TESK2: variants seen among roughly 807,000 people sequenced by gnomAD.
The protein encoded by TESK2 is testis associated actin remodelling kinase 2.
In TESK2, 39 loss-of-function variants were observed where a neutral mutation model predicts 57.1. That is an observed-to-expected ratio of 0.68 (90% confidence interval 0.53 to 0.89). The LOEUF (loss-of-function observed/expected upper bound fraction) is 0.89, where lower values mean the gene tolerates loss of function less well. Ranked by LOEUF, TESK2 falls within the 40% of genes least tolerant of loss-of-function variation. TESK2 has a pLI of 0.00. For missense variants in TESK2, 646 were observed against 732.1 expected (o/e 0.88, Z 1.36); for synonymous variants, 249 against 267.9 (o/e 0.93, Z 0.69).
chr1:45,473,422 T>A (rs537542676), intron 1 of TESK2, among the ~76,000 whole-genome samples: 2 of 152,200 alleles, frequency 1.3e-5, no homozygotes, highest in East Asian at 3.9e-4. Flanking sequence ...CCACAATTAC[T>A]TTTGCACCAA....
chr1:45,476,960 C>T (rs1042423926), intron 1 of TESK2, among the ~76,000 whole-genome samples: 1 of 150,990 alleles, frequency 6.6e-6, no homozygotes, highest in Non-Finnish European at 1.5e-5. Context: ...AGCCACCGCA[C>T]CTGGCCGATT....
intron 4 of TESK2, among the ~76,000 whole-genome samples, chr1:45,383,562 C>T (rs1648745705): frequency 1.3e-5 from 2 of 152,152 alleles, no homozygotes; most frequent in African/African-American, 4.8e-5. Flanking sequence ...GAGAATATTG[C>T]ATTATGATCA....
chr1:45,453,073 A>G (rs976484145), intron 2 of TESK2, among the ~76,000 whole-genome samples: 3 of 151,482 alleles, frequency 2.0e-5, no homozygotes, highest in Non-Finnish European at 4.4e-5. Context: ...GAGGCTGGAC[A>G]TGGTGGTGCA....
chr1:45,370,338 A>C (rs1309713004), intron 4 of TESK2, among the ~76,000 whole-genome samples: 1 of 152,210 alleles, frequency 6.6e-6, no homozygotes, highest in Non-Finnish European at 1.5e-5. Flanking sequence ...ATCAATGAGG[A>C]AATCACTGAA....
At chr1:45,486,782 T>TACACACACACACACAC (rs71052887) in intron 1 of TESK2, among the ~76,000 whole-genome samples, 13,125 of 115,616 alleles carry the variant, frequency 0.11, 1,063 homozygotes, top group Admixed American at 0.17. Flanking sequence ...CCTCCCAGCA[T>TACACACACACACACAC]ACACACACAC....
chr1:45,404,493 T>C (rs1570695865), intron 3 of TESK2, among the ~76,000 whole-genome samples: 1 of 152,118 alleles, frequency 6.6e-6, no homozygotes, highest in African/African-American at 2.4e-5. Context: ...ACAGAGCTTA[T>C]CTCATTTAAT....
Position 45,434,495 on chromosome 1 carries a change from T to C in TESK2, c.223-12649A>G, listed in dbSNP as rs74427660. ...TTTGTAGAGATGGGGTCTTTTTGTC[T>C]TTTTGATGGTAGCCATTCTAAATGA... On this transcript the variant is annotated intron_variant, in intron 2 of 10. Transcript: ENST00000372086. Among the ~76,000 whole-genome samples, 83 of 152,026 alleles carry C rather than the reference T, an allele frequency of 5.5e-4. No individual in the cohort carries two copies. In the East Asian group the frequency reaches 0.013, roughly 23 times the overall value.
intron 3 of TESK2, among the ~76,000 whole-genome samples, chr1:45,403,031 C>T (rs1302667855): frequency 4.0e-5 from 6 of 151,578 alleles, no homozygotes; most frequent in African/African-American, 9.7e-5. Flanking sequence ...CACCTGTAAT[C>T]CCAGCACTTT....
chr1:45,453,362 A>G (rs7554610), intron 2 of TESK2, among the ~76,000 whole-genome samples: 6,554 of 143,742 alleles, frequency 0.046, 357 homozygotes, highest in African/African-American at 0.13. Context: ...AAAAAAAAAA[A>G]AGAGAGAGAG....
chr1:45,475,209 C>CTTTTTTTTTTTTTTTTT (rs375872140), intron 1 of TESK2, among the ~76,000 whole-genome samples: 4 of 113,162 alleles, frequency 3.5e-5, no homozygotes, highest in Non-Finnish European at 3.6e-5. Context: ...TTAGCCTGGC[C>CTTTTTTTTTTTTTTTTT]TTTTTTTTTT....
chr1:45,371,859 C>T (rs758897901), intron 4 of TESK2, among the ~76,000 whole-genome samples: 3 of 151,970 alleles, frequency 2.0e-5, no homozygotes, highest in Non-Finnish European at 4.4e-5. Flanking sequence ...CAGCGAGATC[C>T]TGTCTCAAAA....
At chr1:45,384,593 A>ATTTTTTTTTTTTTTTTTT (rs59988269) in intron 4 of TESK2, among the ~76,000 whole-genome samples, 4 of 70,866 alleles carry the variant, frequency 5.6e-5, no homozygotes, top group Admixed American at 1.7e-4. Context: ...CTAATTATTA[A>ATTTTTTTTTTTTTTTTTT]TTTTTTTTTT....
chr1:45,373,203 T>C (rs1380257944), intron 4 of TESK2, among the ~76,000 whole-genome samples: 1 of 152,118 alleles, frequency 6.6e-6, no homozygotes, highest in African/African-American at 2.4e-5. Flanking sequence ...AGACTATAGA[T>C]TTAAAGTGTG....
intron 8 of TESK2, 53 bp downstream of exon 8, chr1:45,346,926 A>G (rs1647151086): frequency 1.3e-6 from 2 of 1,596,844 alleles, no homozygotes; most frequent in South Asian, 1.1e-5. Context: ...GAACAGTTCC[A>G]TTGCTTCAAA....
At chr1:45,478,404 T>C (rs1653086236) in intron 1 of TESK2, among the ~76,000 whole-genome samples, 1 of 152,232 alleles carries the variant, frequency 6.6e-6, no homozygotes, top group South Asian at 2.1e-4. Context: ...TTCCAGACTA[T>C]GAGCTCTTTT....
At position 45,355,362 on chromosome 1, in the gene TESK2, C is replaced by T. The variant is rs2149265161; in HGVS notation, c.481G>A (p.Ala161Thr). 1.9e-6 allele frequency: 3 copies of T among 1,613,952 alleles called. No individual in the cohort carries two copies. In the East Asian group the frequency reaches 6.7e-5, roughly 36 times the overall value. ...AAGTGAAGGTAGCTGAGGCCCACTG[C>T]TATGTCATAGGCCAGTTTTACCCTC... ...TVRVKLAYDI[A>T]VGLSYLHFKG... The change falls in exon 5 of 11, where the codon GCA becomes ACA. Residue 161 changes from alanine to threonine, a missense_variant. Coordinates refer to ENST00000372086, the MANE Select transcript of TESK2 (RefSeq NM_007170.3).
rs1191729554 is a variant in TESK2, at chr1:45,345,471, A to AT, written c.1084dup (p.Ile362AsnfsTer14). ...ATCTGACTGGCTTCGAGACAGCCAG[A>AT]TGGTACGTCTTGGGCATGGTGACTT... On this transcript the variant is annotated frameshift_variant, in exon 11 of 11. Coordinates refer to ENST00000372086, the MANE Select transcript of TESK2 (RefSeq NM_007170.3). LOFTEE classifies it high-confidence loss of function. The AT allele has an allele frequency of 6.2e-7, 1 of 1,614,146 alleles. No individual in the cohort carries two copies. The highest frequency in any genetic ancestry group is 1.1e-5 in the South Asian group (1 of 91,088).
At chr1:45,357,480 G>A (rs1442344514) in intron 4 of TESK2, among the ~76,000 whole-genome samples, 3 of 151,356 alleles carry the variant, frequency 2.0e-5, no homozygotes, top group South Asian at 2.1e-4. Flanking sequence ...AGCAGATAAG[G>A]TTATGGAGAA....
intron 1 of TESK2, among the ~76,000 whole-genome samples, chr1:45,485,017 C>G (rs572771777): frequency 6.7e-6 from 1 of 149,980 alleles, no homozygotes; most frequent in South Asian, 2.1e-4. Flanking sequence ...GGCAACAGAG[C>G]GAGACTCCGT....
Sources: allele counts gnomAD v4.1 joint callset (sites outside exome capture counted in the v4.1 genomes callset), GRCh38; gene constraint gnomAD v4.1.1; transcripts MANE v1.5; gene names NCBI Gene and HGNC (gene_info 2026-07-23, HGNC 2026-07-21).